SDK1: variants seen among roughly 807,000 people sequenced by gnomAD.
SDK1 encodes protein sidekick-1.
A neutral mutation model predicts 245.5 loss-of-function variants in SDK1; 157 were observed. The ratio of observed to expected loss-of-function variants is 0.64; its 90% CI spans 0.56 to 0.73. The LOEUF (loss-of-function observed/expected upper bound fraction) is 0.73. Ranked by LOEUF, SDK1 falls within the 30% of genes least tolerant of loss-of-function variation. The probability of loss-of-function intolerance (pLI) is 0.00; values close to 1 mark genes in which losing one functional copy is unlikely to be tolerated. For missense variants in SDK1, 3,583 were observed against 3,002.3 expected (o/e 1.19, Z -4.52); for synonymous variants, 1,647 against 1,278.5 (o/e 1.29, Z -6.15).
chr7:4,231,988 A>G (rs1442139012), intron 40 of SDK1, among the ~76,000 whole-genome samples: 1 of 151,986 alleles, frequency 6.6e-6, no homozygotes, highest in Non-Finnish European at 1.5e-5. Flanking sequence ...AGAAAAGCAA[A>G]TACAGTTCAT....
intron 1 of SDK1, among the ~76,000 whole-genome samples, chr7:3,565,283 T>C (rs998370265): frequency 3.3e-5 from 5 of 152,138 alleles, no homozygotes; most frequent in Non-Finnish European, 7.4e-5. Context: ...TCCAGAACCT[T>C]AGCTACAAAG....
At chr7:4,178,904 G>A (rs995041766) in intron 35 of SDK1, among the ~76,000 whole-genome samples, 1 of 152,234 alleles carries the variant, frequency 6.6e-6, no homozygotes, top group African/African-American at 2.4e-5. Flanking sequence ...GTAGGTGTGT[G>A]GGAAATGGAA....
chr7:3,964,108 C>T (rs899952215), intron 9 of SDK1, among the ~76,000 whole-genome samples: 2 of 152,360 alleles, frequency 1.3e-5, no homozygotes, highest in East Asian at 3.9e-4. Context: ...TAGAACTTCC[C>T]AAAATTTGCT....
At chr7:3,610,177 C>A (rs554627391) in intron 1 of SDK1, among the ~76,000 whole-genome samples, 16 of 152,322 alleles carry the variant, frequency 1.1e-4, no homozygotes, top group Admixed American at 5.2e-4. Context: ...TAAAATTAAA[C>A]CTTCACCATG....
At chr7:3,829,789 A>G (rs2115071762) in intron 5 of SDK1, among the ~76,000 whole-genome samples, 1 of 152,292 alleles carries the variant, frequency 6.6e-6, no homozygotes, top group South Asian at 2.1e-4. Flanking sequence ...TTCTGATATC[A>G]AAACCACTCC....
In SDK1 at chr7:3,397,971, G is replaced by A. The variant is rs182891292; in HGVS notation, c.298+96087G>A. 3.7e-4 allele frequency among the ~76,000 whole-genome samples: 57 copies of A among 152,162 alleles called. 1 individual carries two copies. The East Asian group carries it at 8.5e-3, about 23-fold the overall frequency. On this transcript the variant is annotated intron_variant, in intron 1 of 44. Transcript: ENST00000404826. ...TGTGTGTTTTCTTGCCTTTCAGCAT[G>A]CCTTGTAATTTTTTGTGGAAAGCCA... is the stretch of plus-strand genomic sequence containing the variant.
In SDK1 at chr7:3,504,265, CGTT is replaced by C. The variant is rs369977701; in HGVS notation, c.299-114789_299-114787del. ...CCCAGCTGGATGCTGCTGTTGTTGT[CGTT>C]GTTGTTGTTGTTGTTGTTGTTGTTG... is the stretch of plus-strand genomic sequence containing the variant. On this transcript the variant is annotated intron_variant, in intron 1 of 44. Coordinates refer to ENST00000404826, the MANE Select transcript of SDK1 (RefSeq NM_152744.4). Among the ~76,000 whole-genome samples, 483 of 146,542 alleles carry C rather than the reference CGTT, an allele frequency of 3.3e-3. 1 individual carries two copies. The highest frequency in any genetic ancestry group is 0.019 in the South Asian group (84 of 4,496).
chr7:4,232,377 C>CTTTTTT (rs1244207069), intron 40 of SDK1, among the ~76,000 whole-genome samples: 1 of 121,384 alleles, frequency 8.2e-6, no homozygotes, highest in Non-Finnish European at 1.8e-5. Context: ...TTTTTTTTTC[C>CTTTTTT]TTTTTTCTTT....
chr7:4,045,062 A>G (rs1404555500), intron 17 of SDK1, among the ~76,000 whole-genome samples: 1 of 152,082 alleles, frequency 6.6e-6, no homozygotes, highest in Admixed American at 6.6e-5. Flanking sequence ...CCTTAGTGTC[A>G]TGCATTTGAG....
intron 30 of SDK1, among the ~76,000 whole-genome samples, chr7:4,157,460 G>GGGAGAGAAGGAA (rs1224017369): frequency 1.4e-4 from 4 of 28,596 alleles, no homozygotes; most frequent in Non-Finnish European, 2.6e-4. Context: ...GGAGGTGGAA[G>GGGAGAGAAGGAA]GGAGAGAAGG....
chr7:4,180,622 T>C (rs1271708245), intron 35 of SDK1, among the ~76,000 whole-genome samples: 1 of 152,188 alleles, frequency 6.6e-6, no homozygotes, highest in Non-Finnish European at 1.5e-5. Context: ...AGGGACGGGG[T>C]AATTTATAAG....
At chr7:3,648,809 G>A (rs1477977370) in intron 4 of SDK1, among the ~76,000 whole-genome samples, 2 of 152,170 alleles carry the variant, frequency 1.3e-5, no homozygotes, top group Non-Finnish European at 2.9e-5. Flanking sequence ...AAACAGACGA[G>A]TAGATACGGG....
At chr7:3,352,684 C>T (rs6955021) in intron 1 of SDK1, among the ~76,000 whole-genome samples, 1 of 152,056 alleles carries the variant, frequency 6.6e-6, no homozygotes, top group African/African-American at 2.4e-5. Context: ...CCATTCCTTC[C>T]CATTTCCATT....
intron 17 of SDK1, among the ~76,000 whole-genome samples, chr7:4,031,881 G>T (rs1237433910): frequency 2.6e-5 from 4 of 152,046 alleles, no homozygotes; most frequent in Non-Finnish European, 5.9e-5. Context: ...ACAAAAATTA[G>T]CCGGGCATGG....
At chr7:3,578,416 T>C (rs189598694) in intron 1 of SDK1, among the ~76,000 whole-genome samples, 3 of 152,194 alleles carry the variant, frequency 2.0e-5, no homozygotes, top group East Asian at 3.9e-4. Context: ...TAAGGGTCTA[T>C]GTTCAGCTGT....
At chr7:3,428,342 A>G (rs1779734202) in intron 1 of SDK1, among the ~76,000 whole-genome samples, 1 of 152,212 alleles carries the variant, frequency 6.6e-6, no homozygotes. Context: ...AAACTGTGGT[A>G]ACTGAAATTT....
At chr7:4,185,465 C>T (rs976412523) in intron 35 of SDK1, among the ~76,000 whole-genome samples, 2 of 152,148 alleles carry the variant, frequency 1.3e-5, no homozygotes, top group African/African-American at 4.8e-5. Context: ...ATTTCCAGAG[C>T]CCCCAGGCTT....
At chr7:3,754,654 G>T (rs1562419040) in intron 4 of SDK1, among the ~76,000 whole-genome samples, 1 of 150,764 alleles carries the variant, frequency 6.6e-6, no homozygotes, top group African/African-American at 2.4e-5. Context: ...TGGAGAAACA[G>T]CATGACGTGG....
In SDK1 at chr7:4,162,503, G is replaced by A. The variant is rs148808052; in HGVS notation, c.4800+647G>A. 8.2e-3 allele frequency among the ~76,000 whole-genome samples: 1,243 copies of A among 151,858 alleles called. 18 individuals are homozygous for A. The highest frequency in any genetic ancestry group is 0.029 in the African/African-American group (1,188 of 41,398). ...CAACCTCTGCCTCCCGTGTTCAAGC[G>A]ATTCTCCTGCCTCAGCCTCCCAAGT... On this transcript the variant is annotated intron_variant, in intron 32 of 44. Transcript: ENST00000404826.
Sources: allele counts gnomAD v4.1 joint callset (sites outside exome capture counted in the v4.1 genomes callset), GRCh38; gene constraint gnomAD v4.1.1; transcripts MANE v1.5; gene names NCBI Gene and HGNC (gene_info 2026-07-23, HGNC 2026-07-21).